DRD2: variants seen among roughly 807,000 people sequenced by gnomAD.
DRD2 encodes dopamine receptor D2.
DRD2 carries 8 observed loss-of-function variants against 38.0 expected under a neutral mutation model. The ratio of observed to expected loss-of-function variants is 0.21; its 90% CI spans 0.12 to 0.38. DRD2 has a LOEUF of 0.38. Ranked by LOEUF, DRD2 falls within the 10% of genes least tolerant of loss-of-function variation. The pLI is 1.00. For synonymous variants in DRD2, 230 were observed against 238.6 expected, an observed-to-expected ratio of 0.96 and a Z score of 0.33; for missense variants, 403 against 607.7, an observed-to-expected ratio of 0.66 and a Z score of 3.54.
chr11:113,410,392 C>A lies in DRD2; in HGVS notation c.*335G>T, dbSNP rs201476947. ...TGGGCCCTGACTCAGGCTCCAGCAA[C>A]CCTAGAGCCCCAGAGGAAGGTCAAG... On this transcript the variant is annotated 3_prime_UTR_variant, in exon 8 of 8. Coordinates refer to ENST00000362072, the MANE Select transcript of DRD2 (RefSeq NM_000795.4). 11 of 477,210 alleles carry A rather than the reference C, an allele frequency of 2.3e-5. No homozygotes were observed. The highest frequency in any genetic ancestry group is 4.5e-5 in the South Asian group (2 of 44,620). The allele number at this position is 477,210 out of a possible 1,614,324, so 29.6% of individuals were successfully genotyped here. A position where few individuals can be genotyped will look rare whatever the true frequency, so the allele number is the denominator to read the frequency against.
intron 1 of DRD2, among the ~76,000 whole-genome samples, chr11:113,455,478 G>A (rs993049924): frequency 3.9e-5 from 6 of 152,098 alleles, no homozygotes; most frequent in African/African-American, 1.2e-4. Flanking sequence ...AAACTAAAAT[G>A]TTTCTACGTA....
At chr11:113,468,189 G>T in intron 1 of DRD2, among the ~76,000 whole-genome samples, 1 of 152,198 alleles carries the variant, frequency 6.6e-6, no homozygotes, top group East Asian at 1.9e-4. Flanking sequence ...AGAACCCCCA[G>T]GTGATAGAGG....
At chr11:113,468,459 G>C (rs964510617) in intron 1 of DRD2, among the ~76,000 whole-genome samples, 2 of 152,176 alleles carry the variant, frequency 1.3e-5, no homozygotes, top group African/African-American at 2.4e-5. Context: ...TGATGAGCAG[G>C]TTAAGTGCCC....
intron 7 of DRD2, 97 bp downstream of exon 7, chr11:113,412,459 C>T (rs1006925627): frequency 7.4e-6 from 11 of 1,479,142 alleles, no homozygotes; most frequent in Non-Finnish European, 9.2e-6. Context: ...TGAGGAAATG[C>T]TAGCCCCATG....
At chr11:113,445,641 A>T (rs1951140422) in intron 1 of DRD2, among the ~76,000 whole-genome samples, 2 of 152,226 alleles carry the variant, frequency 1.3e-5, no homozygotes, top group African/African-American at 2.4e-5. Context: ...CTGACTGCGC[A>T]TGCAAGGGGC....
intron 2 of DRD2, 112 bp downstream of exon 2, chr11:113,424,255 G>C: frequency 1.6e-6 from 2 of 1,242,182 alleles, no homozygotes; most frequent in Non-Finnish European, 1.1e-6. Context: ...AAAACCACCT[G>C]GGGAAGCACC....
intron 6 of DRD2, 142 bp downstream of exon 6, chr11:113,414,233 G>A (rs1296960753): frequency 8.7e-6 from 7 of 804,114 alleles, no homozygotes; most frequent in East Asian, 2.4e-5. Flanking sequence ...TGTGCACGGT[G>A]AGTCTGCCTT....
intron 6 of DRD2, 21 bp from the exon 7 acceptor site, chr11:113,412,904 T>G: frequency 6.2e-7 from 1 of 1,605,448 alleles, no homozygotes. Flanking sequence ...GGCAGAGGGC[T>G]CTGGGTAAAG....
At chr11:113,460,133 T>C (rs928440095) in intron 1 of DRD2, among the ~76,000 whole-genome samples, 5 of 152,270 alleles carry the variant, frequency 3.3e-5, no homozygotes, top group Admixed American at 2.6e-4. Flanking sequence ...TTAGAGGCAC[T>C]ATCAAATTGA....
intron 1 of DRD2, chr11:113,474,130 C>T (rs992642547): frequency 6.6e-6 from 1 of 152,274 alleles, no homozygotes; most frequent in Non-Finnish European, 1.5e-5. Context: ...CAGACAGCTT[C>T]CTTGTGGCTG....
At chr11:113,461,643 G>A (rs890263183) in intron 1 of DRD2, among the ~76,000 whole-genome samples, 1 of 152,304 alleles carries the variant, frequency 6.6e-6, no homozygotes, top group African/African-American at 2.4e-5. Flanking sequence ...GCCCCCAAAA[G>A]ATCCTGGGTA....
chr11:113,427,169 A>G (rs1469809542), intron 1 of DRD2, among the ~76,000 whole-genome samples: 1 of 152,218 alleles, frequency 6.6e-6, no homozygotes, highest in African/African-American at 2.4e-5. Flanking sequence ...TTTAATTATT[A>G]TCCCTGTCTA....
chr11:113,446,809 A>G (rs1442501678), intron 1 of DRD2, among the ~76,000 whole-genome samples: 2 of 152,232 alleles, frequency 1.3e-5, no homozygotes, highest in East Asian at 3.8e-4. Flanking sequence ...CTGTAAGAGC[A>G]CCATTTAGGA....
At chr11:113,448,654 G>A (rs943631973) in intron 1 of DRD2, among the ~76,000 whole-genome samples, 8 of 152,180 alleles carry the variant, frequency 5.3e-5, no homozygotes, top group Non-Finnish European at 7.3e-5. Context: ...CCAAGGGCAC[G>A]GGTACAGCAG....
intron 1 of DRD2, among the ~76,000 whole-genome samples, chr11:113,473,291 G>A (rs1347442347): frequency 2.0e-5 from 3 of 152,114 alleles, no homozygotes; most frequent in Admixed American, 2.0e-4. Context: ...GAGGTAATTT[G>A]CTAATTCAGT....
intron 1 of DRD2, among the ~76,000 whole-genome samples, chr11:113,460,143 A>C (rs1951304143): frequency 6.6e-6 from 1 of 152,230 alleles, no homozygotes; most frequent in African/African-American, 2.4e-5. Flanking sequence ...TATCAAATTG[A>C]CTGTCTTCAG....
intron 1 of DRD2, among the ~76,000 whole-genome samples, chr11:113,446,907 G>C (rs975714082): frequency 1.3e-5 from 2 of 152,150 alleles, no homozygotes; most frequent in African/African-American, 4.8e-5. Flanking sequence ...GGTCTTCAAG[G>C]AACCATCACA....
intron 1 of DRD2, among the ~76,000 whole-genome samples, chr11:113,472,318 T>C (rs1423152748): frequency 6.6e-6 from 1 of 152,190 alleles, no homozygotes; most frequent in Non-Finnish European, 1.5e-5. Context: ...CCCCTTATAC[T>C]TGTTTATTCA....
chr11:113,456,257 G>C (rs950941197), intron 1 of DRD2, among the ~76,000 whole-genome samples: 1 of 152,200 alleles, frequency 6.6e-6, no homozygotes, highest in African/African-American at 2.4e-5. Context: ...GAAGTAGAAG[G>C]TAAAATGGTG....
Sources: gnomAD v4.1 joint callset for allele counts (sites outside exome capture counted in the v4.1 genomes callset) on GRCh38, gnomAD v4.1.1 for gene constraint, MANE v1.5 for transcripts, NCBI Gene and HGNC (gene_info 2026-07-23, HGNC 2026-07-21) for gene names.